SLC44A5: variants seen among roughly 807,000 people sequenced by gnomAD.
The protein encoded by SLC44A5 is solute carrier family 44 member 5.
A neutral mutation model predicts 101.8 loss-of-function variants in SLC44A5; 57 were observed. That is an observed-to-expected ratio of 0.56 (90% CI 0.45 to 0.70). The LOEUF is 0.70. Ranked by LOEUF, SLC44A5 falls within the 30% of genes least tolerant of loss-of-function variation. The pLI, the probability that SLC44A5 is intolerant of heterozygous loss-of-function variation, is 0.00. For synonymous variants in SLC44A5, 281 were observed against 290.9 expected (o/e 0.97, Z 0.35); for missense variants, 737 against 853.1 (o/e 0.86, Z 1.70).
intron 3 of SLC44A5, among the ~76,000 whole-genome samples, chr1:75,351,303 A>G (rs1004733194): frequency 1.6e-4 from 25 of 152,066 alleles, no homozygotes; most frequent in African/African-American, 4.8e-4. Flanking sequence ...TCAAAGAGAC[A>G]AAAATCATCA....
At chr1:75,413,257 G>A (rs913408326) in intron 2 of SLC44A5, among the ~76,000 whole-genome samples, 1 of 151,876 alleles carries the variant, frequency 6.6e-6, no homozygotes, top group Non-Finnish European at 1.5e-5. Context: ...ATCCACTTGG[G>A]GTCTTGGAAT....
chr1:75,609,147 G>A (rs1002706611), intron 1 of SLC44A5, among the ~76,000 whole-genome samples: 4 of 151,494 alleles, frequency 2.6e-5, no homozygotes, highest in African/African-American at 4.8e-5. Flanking sequence ...TAGAAGAGAC[G>A]GCAACCTTCC....
chr1:75,638,415 T>G, the SLC44A5 span, among the ~76,000 whole-genome samples: 12 of 152,108 alleles, frequency 7.9e-5, no homozygotes, highest in East Asian at 2.1e-3. Flanking sequence ...AGTTGTAGGA[T>G]CTTAATATCA....
At chr1:75,276,680 T>C (rs1220909257) in intron 5 of SLC44A5, among the ~76,000 whole-genome samples, 1 of 152,216 alleles carries the variant, frequency 6.6e-6, no homozygotes, top group Non-Finnish European at 1.5e-5. Flanking sequence ...TCAGTAATCT[T>C]AGTTCTTGTC....
chr1:75,312,969 G>C (rs1013234096), intron 4 of SLC44A5, among the ~76,000 whole-genome samples: 2 of 152,164 alleles, frequency 1.3e-5, no homozygotes, highest in African/African-American at 4.8e-5. Flanking sequence ...TACAATTTCA[G>C]TTCATTTTCT....
chr1:75,675,402 G>T, the SLC44A5 span, among the ~76,000 whole-genome samples: 1 of 151,884 alleles, frequency 6.6e-6, no homozygotes, highest in African/African-American at 2.4e-5. Flanking sequence ...TTCACGATTT[G>T]GCTCTCTGCT....
intron 2 of SLC44A5, among the ~76,000 whole-genome samples, chr1:75,447,449 A>C (rs1313589690): frequency 6.6e-6 from 1 of 152,206 alleles, no homozygotes; most frequent in African/African-American, 2.4e-5. Flanking sequence ...ATAATATAGA[A>C]AGTGTTTTGA....
chr1:75,276,727 G>A (rs921120178), intron 5 of SLC44A5, among the ~76,000 whole-genome samples: 1 of 152,142 alleles, frequency 6.6e-6, no homozygotes, highest in African/African-American at 2.4e-5. Context: ...TCTAAGACAA[G>A]AGCTTTGATG....
At chr1:75,480,357 C>G (rs945421081) in intron 2 of SLC44A5, among the ~76,000 whole-genome samples, 38 of 152,322 alleles carry the variant, frequency 2.5e-4, no homozygotes, top group African/African-American at 8.9e-4. Context: ...CAGGGATGCT[C>G]TTTCTCACCA....
chr1:75,415,097 G>A (rs1454651882), intron 2 of SLC44A5, among the ~76,000 whole-genome samples: 2 of 152,182 alleles, frequency 1.3e-5, no homozygotes, highest in East Asian at 3.8e-4. Context: ...AAATGCCAAA[G>A]GAGATGGGGA....
intron 1 of SLC44A5, among the ~76,000 whole-genome samples, chr1:75,558,864 T>G (rs2102002091): frequency 6.6e-6 from 1 of 152,228 alleles, no homozygotes; most frequent in Middle Eastern, 3.4e-3. Flanking sequence ...TAACTTATTA[T>G]AATTATTAAA....
Position 75,416,804 on chromosome 1 carries a change from A to G in SLC44A5, c.14-20183T>C, listed in dbSNP as rs373660555. 3.9e-5 allele frequency among the ~76,000 whole-genome samples: 6 copies of G among 152,270 alleles called. No homozygotes were observed. The South Asian group carries it at 1.2e-3, about 32-fold the overall frequency. On this transcript the variant is annotated intron_variant, in intron 2 of 23. Transcript: ENST00000370859. ...CTTTAAAATTTGACTACCCTGTTGG[A>G]TTTTGGACTTGCATGGGGCCTGTAG... is the stretch of plus-strand genomic sequence containing the variant.
chr1:75,209,853 T>A (rs1646818853), intron 23 of SLC44A5, among the ~76,000 whole-genome samples: 1 of 152,122 alleles, frequency 6.6e-6, no homozygotes, highest in Admixed American at 6.6e-5. Context: ...CTGTTTCTCT[T>A]AAGGGCAATG....
chr1:75,651,723 A>T, the SLC44A5 span, among the ~76,000 whole-genome samples: 1 of 145,326 alleles, frequency 6.9e-6, no homozygotes, highest in Admixed American at 7.0e-5. Context: ...AAAAAAATCC[A>T]ATACTCAACT....
intron 2 of SLC44A5, among the ~76,000 whole-genome samples, chr1:75,400,085 G>T (rs909836040): frequency 2.6e-5 from 4 of 152,158 alleles, no homozygotes; most frequent in African/African-American, 9.7e-5. Context: ...CACAGAAACC[G>T]AAAATCAAGC....
the SLC44A5 span, among the ~76,000 whole-genome samples, chr1:75,723,100 T>A: frequency 6.6e-6 from 1 of 152,166 alleles, no homozygotes; most frequent in African/African-American, 2.4e-5. Context: ...TCTAAGTTGC[T>A]AGCCAATCAG....
At chr1:75,222,483 C>T (rs1274666605) in intron 13 of SLC44A5, 23 bp from the exon 14 acceptor site, 1 of 1,431,506 alleles carries the variant, frequency 7.0e-7, no homozygotes. Context: ...AAAAAAAAAT[C>T]AGTCTGTAAT....
At chr1:75,662,433 G>C in the SLC44A5 span, among the ~76,000 whole-genome samples, 1 of 151,942 alleles carries the variant, frequency 6.6e-6, no homozygotes, top group Non-Finnish European at 1.5e-5. Flanking sequence ...ATAAGTTCTA[G>C]GGCTCAATAG....
Position 75,429,310 on chromosome 1 carries a change from G to A in SLC44A5, c.14-32689C>T, listed in dbSNP as rs116445978. Among the ~76,000 whole-genome samples, 405 of 152,234 alleles carry A rather than the reference G, an allele frequency of 2.7e-3. 1 individual carries two copies. Among genetic ancestry groups the A allele is most frequent in the Non-Finnish European group, 4.4e-3 (296 of 68,008 alleles). Reference sequence around the variant, plus strand: ...ATGTGTGCCACATTCTAAGTTATTCGACTTGTGCTACAAGTTCTTGTTGGA... The same window carrying A: ...ATGTGTGCCACATTCTAAGTTATTCAACTTGTGCTACAAGTTCTTGTTGGA... On this transcript the variant is annotated intron_variant, in intron 2 of 23. Coordinates refer to ENST00000370859, the MANE Select transcript of SLC44A5 (RefSeq NM_001130058.2).
Sources: allele counts gnomAD v4.1 joint callset (sites outside exome capture counted in the v4.1 genomes callset), GRCh38; gene constraint gnomAD v4.1.1; transcripts MANE v1.5; gene names NCBI Gene and HGNC (gene_info 2026-07-23, HGNC 2026-07-21).